Variants in ZBTB20 observed in about 807,000 individuals in gnomAD.
The protein encoded by ZBTB20 is zinc finger and BTB domain-containing protein 20.
A neutral mutation model predicts 56.9 loss-of-function variants in ZBTB20; 9 were observed. The observed-to-expected ratio is 0.16, with a 90% CI of 0.10 to 0.28. The LOEUF (loss-of-function observed/expected upper bound fraction) is 0.28. Ranked by LOEUF, ZBTB20 falls within the 10% of genes least tolerant of loss-of-function variation. The pLI, the probability that ZBTB20 is intolerant of heterozygous loss-of-function variation, is 1.00. For missense variants in ZBTB20, 655 were observed against 1,003.0 expected, an observed-to-expected ratio of 0.65 and a Z score of 4.69; for synonymous variants, 417 against 420.7, an observed-to-expected ratio of 0.99 and a Z score of 0.11.
rs547943376 is a variant in ZBTB20, at chr3:115,146,989, C to CGGGCGGGGCG, written c.-703+220_-703+229dup. 7.2e-4 allele frequency among the ~76,000 whole-genome samples: 107 copies of CGGGCGGGGCG among 149,020 alleles called. 1 individual carries two copies. Among genetic ancestry groups the CGGGCGGGGCG allele is most frequent in the African/African-American group, 1.2e-3 (47 of 40,856 alleles). On this transcript the variant is annotated intron_variant, in intron 1 of 11. Coordinates refer to ENST00000675478, the MANE Select transcript of ZBTB20 (RefSeq NM_001348800.3). ...AAGAAGGGCGCCGGGGGAGGGGGCG[C>CGGGCGGGGCG]GGGCGGGGCGGGGCGGGGCGGGGCG...
intron 6 of ZBTB20, among the ~76,000 whole-genome samples, chr3:114,510,949 G>T (rs571722855): frequency 6.6e-6 from 1 of 151,746 alleles, no homozygotes; most frequent in South Asian, 2.1e-4. Flanking sequence ...TTTCCAAAGG[G>T]AATGCCTTGA....
At chr3:114,654,167 T>A (rs2060273440) in intron 6 of ZBTB20, among the ~76,000 whole-genome samples, 1 of 151,912 alleles carries the variant, frequency 6.6e-6, no homozygotes, top group South Asian at 2.1e-4. Flanking sequence ...GATTATACTT[T>A]CCCACTTTCT....
At chr3:115,089,983 A>G (rs2083127717) in intron 1 of ZBTB20, among the ~76,000 whole-genome samples, 1 of 151,822 alleles carries the variant, frequency 6.6e-6, no homozygotes, top group Non-Finnish European at 1.5e-5. Flanking sequence ...AATATATTTT[A>G]ACAATATACC....
intron 5 of ZBTB20, among the ~76,000 whole-genome samples, chr3:114,711,920 A>G (rs2064113887): frequency 1.3e-5 from 2 of 152,174 alleles, no homozygotes; most frequent in African/African-American, 4.8e-5. Context: ...TCATTCTTGC[A>G]ATTTTCCTTC....
chr3:114,864,783 G>T (rs1383686491), intron 4 of ZBTB20, among the ~76,000 whole-genome samples: 1 of 152,086 alleles, frequency 6.6e-6, no homozygotes, highest in Non-Finnish European at 1.5e-5. Context: ...GTATACAAAA[G>T]TGTTAAGACT....
chr3:114,809,711 T>C (rs1578968453), intron 4 of ZBTB20, among the ~76,000 whole-genome samples: 1 of 152,200 alleles, frequency 6.6e-6, no homozygotes, highest in Non-Finnish European at 1.5e-5. Context: ...CTTCAGACAC[T>C]TTCTTTTAAC....
chr3:114,333,242 A>G lies in ZBTB20; in HGVS notation c.*5763T>C, dbSNP rs1034369168. 3 of 152,220 alleles carry G rather than the reference A, an allele frequency of 2.0e-5. No individual in the cohort carries two copies. Among genetic ancestry groups the G allele is most frequent in the African/African-American group, 7.2e-5 (3 of 41,458 alleles). The allele number at this position is 152,220 out of a possible 1,614,324, so 9.4% of individuals were successfully genotyped here. A position where few individuals can be genotyped will look rare whatever the true frequency, so the allele number is the denominator to read the frequency against. ...CTTTTTTCTTGTAAAGGTTTAAGTG[A>G]TATCAGAAATAGCAACTCTACACGG... On this transcript the variant is annotated 3_prime_UTR_variant, in exon 12 of 12. Coordinates refer to ENST00000675478, the MANE Select transcript of ZBTB20 (RefSeq NM_001348800.3).
intron 1 of ZBTB20, among the ~76,000 whole-genome samples, chr3:115,141,227 T>C (rs985407805): frequency 2.6e-5 from 4 of 152,216 alleles, no homozygotes; most frequent in Non-Finnish European, 5.9e-5. Flanking sequence ...AACTAGTTTA[T>C]ATTTGTTTGA....
At chr3:114,553,237 G>A in intron 6 of ZBTB20, among the ~76,000 whole-genome samples, 1 of 152,224 alleles carries the variant, frequency 6.6e-6, no homozygotes, top group Admixed American at 6.5e-5. Flanking sequence ...GTATGATGTG[G>A]TACACAAAGT....
chr3:114,890,342 T>C (rs1179551602), intron 4 of ZBTB20, among the ~76,000 whole-genome samples: 2 of 152,202 alleles, frequency 1.3e-5, no homozygotes, highest in African/African-American at 4.8e-5. Context: ...TTGGCAGTGA[T>C]AATCTGCACC....
intron 6 of ZBTB20, among the ~76,000 whole-genome samples, chr3:114,675,234 G>A (rs1454837306): frequency 6.6e-6 from 1 of 151,238 alleles, no homozygotes; most frequent in East Asian, 1.9e-4. Context: ...AAAACTGACA[G>A]CATTGTCTGA....
chr3:114,722,107 T>C (rs928880282), intron 5 of ZBTB20, among the ~76,000 whole-genome samples: 10 of 152,132 alleles, frequency 6.6e-5, no homozygotes, highest in Admixed American at 4.6e-4. Context: ...GAAGTATTAA[T>C]TGTAATAAGT....
At chr3:114,366,244 ATCTT>A (rs1202501203) in intron 10 of ZBTB20, among the ~76,000 whole-genome samples, 25 of 152,176 alleles carry the variant, frequency 1.6e-4, no homozygotes, top group Admixed American at 1.6e-3. Context: ...TTTCTTCTGA[ATCTT>A]TCTTAAACAT....
intron 7 of ZBTB20, among the ~76,000 whole-genome samples, chr3:114,498,261 G>T (rs1044568796): frequency 6.6e-6 from 1 of 152,102 alleles, no homozygotes; most frequent in Non-Finnish European, 1.5e-5. Flanking sequence ...AAATTCTTGG[G>T]GGAACATCTG....
rs916578253 is a variant in ZBTB20, at chr3:114,321,930, T to A, written c.*17075A>T. ...GTAACTGAATAAATTATTAATCTAG[T>A]ACTCACTACGACAAGAAAGGCACTA... On this transcript the variant is annotated 3_prime_UTR_variant, in exon 12 of 12. Coordinates refer to ENST00000675478, the MANE Select transcript of ZBTB20 (RefSeq NM_001348800.3). 2.0e-5 allele frequency: 3 copies of A among 152,234 alleles called. No homozygotes were observed. Among genetic ancestry groups the A allele is most frequent in the African/African-American group, 7.2e-5 (3 of 41,462 alleles). The allele number at this position is 152,234 out of a possible 1,614,324, so 9.4% of individuals were successfully genotyped here. A position where few individuals can be genotyped will look rare whatever the true frequency, so the allele number is the denominator to read the frequency against.
intron 6 of ZBTB20, among the ~76,000 whole-genome samples, chr3:114,545,488 C>T (rs898992894): frequency 6.6e-6 from 1 of 152,184 alleles, no homozygotes; most frequent in African/African-American, 2.4e-5. Context: ...ACTAGTGGTA[C>T]ACCATTGTGT....
At chr3:114,588,892 C>T (rs555132999) in intron 6 of ZBTB20, among the ~76,000 whole-genome samples, 19 of 152,146 alleles carry the variant, frequency 1.2e-4, no homozygotes, top group Admixed American at 5.9e-4. Flanking sequence ...GACTCAGTTT[C>T]GCATGGCTGG....
chr3:114,495,476 C>G (rs774733071), intron 7 of ZBTB20, among the ~76,000 whole-genome samples: 4 of 152,082 alleles, frequency 2.6e-5, no homozygotes, highest in Admixed American at 6.5e-5. Context: ...CACACACACA[C>G]AGTCTCTCTC....
In ZBTB20 at chr3:114,441,280, C is replaced by T. The variant is rs116590458; in HGVS notation, c.-254-52175G>A. Among the ~76,000 whole-genome samples the T allele has an allele frequency of 9.9e-4, 151 of 152,180 alleles. 3 individuals are homozygous for T. In the South Asian group the frequency reaches 0.028, roughly 28 times the overall value. On this transcript the variant is annotated intron_variant, in intron 7 of 11. Transcript: ENST00000675478. ...AATAGTTCTGAATTTTCTGCCACTC[C>T]GGCTCATTTAGAATGTAACATTGCT...
Sources: gnomAD v4.1 joint callset for allele counts (sites outside exome capture counted in the v4.1 genomes callset) on GRCh38, gnomAD v4.1.1 for gene constraint, MANE v1.5 for transcripts, NCBI Gene and HGNC (gene_info 2026-07-23, HGNC 2026-07-21) for gene names.